Variants in ADRA1B observed in about 807,000 individuals in gnomAD.
ADRA1B encodes alpha-1B adrenergic receptor.
A neutral mutation model predicts 17.9 loss-of-function variants in ADRA1B; 17 were observed. That is an observed-to-expected ratio of 0.95 (90% CI 0.65 to 1.42). The LOEUF (loss-of-function observed/expected upper bound fraction) is 1.42. ADRA1B is among the 40% of genes most tolerant of loss of function. The probability of loss-of-function intolerance (pLI) is 0.00; values close to 1 mark genes in which losing one functional copy is unlikely to be tolerated. For missense variants in ADRA1B, 681 were observed against 722.1 expected (o/e 0.94, Z 0.65); for synonymous variants, 366 against 327.6 (o/e 1.12, Z -1.27).
At chr5:159,957,566 CTCT>C (rs1755579844) in intron 1 of ADRA1B, among the ~76,000 whole-genome samples, 1 of 150,256 alleles carries the variant, frequency 6.7e-6, no homozygotes, top group Non-Finnish European at 1.5e-5. Context: ...ATTATACTTA[CTCT>C]TCTTATTTGT....
intron 1 of ADRA1B, among the ~76,000 whole-genome samples, chr5:159,906,659 T>C (rs777123213): frequency 5.3e-5 from 8 of 152,194 alleles, no homozygotes; most frequent in Non-Finnish European, 1.2e-4. Flanking sequence ...TCTACATTCC[T>C]TCCTTTCTAA....
intron 1 of ADRA1B, among the ~76,000 whole-genome samples, chr5:159,866,625 G>A (rs1753657294): frequency 6.6e-6 from 1 of 151,444 alleles, no homozygotes; most frequent in Non-Finnish European, 1.5e-5. Flanking sequence ...AATGGTACTT[G>A]CCCTTGTGCC....
chr5:159,956,027 G>A (rs1025026884), intron 1 of ADRA1B, among the ~76,000 whole-genome samples: 1 of 152,116 alleles, frequency 6.6e-6, no homozygotes, highest in Admixed American at 6.5e-5. Flanking sequence ...AGGATCACTT[G>A]AGCCCAAGGT....
intron 1 of ADRA1B, among the ~76,000 whole-genome samples, chr5:159,939,323 G>C (rs1380691437): frequency 8.6e-6 from 1 of 116,910 alleles, no homozygotes; most frequent in Non-Finnish European, 2.0e-5. Flanking sequence ...GTGTGTGTGT[G>C]CGCGCGCGCG....
At chr5:159,920,825 A>G (rs375930952) in intron 1 of ADRA1B, among the ~76,000 whole-genome samples, 1 of 152,232 alleles carries the variant, frequency 6.6e-6, no homozygotes, top group Non-Finnish European at 1.5e-5. Flanking sequence ...CTTCTTTGGA[A>G]TCTGAAGAAG....
At chr5:159,930,355 C>A (rs1284787162) in intron 1 of ADRA1B, among the ~76,000 whole-genome samples, 1 of 152,304 alleles carries the variant, frequency 6.6e-6, no homozygotes, top group East Asian at 1.9e-4. Context: ...TTAGGCCGGG[C>A]GCGGTGGCTC....
At chr5:159,962,404 G>C (rs566494800) in intron 1 of ADRA1B, among the ~76,000 whole-genome samples, 1 of 150,184 alleles carries the variant, frequency 6.7e-6, no homozygotes. Flanking sequence ...CCATCCGTCT[G>C]ATTTCATTTC....
At chr5:159,876,455 G>T (rs1753803642) in intron 1 of ADRA1B, among the ~76,000 whole-genome samples, 1 of 152,172 alleles carries the variant, frequency 6.6e-6, no homozygotes, top group South Asian at 2.1e-4. Context: ...GATTCCAGAA[G>T]ACTTTGACTC....
At chr5:159,965,776 C>T (rs548900965) in intron 1 of ADRA1B, among the ~76,000 whole-genome samples, 58 of 152,302 alleles carry the variant, frequency 3.8e-4, no homozygotes, top group African/African-American at 1.1e-3. Context: ...GAAGCAGGCA[C>T]GCCCCAGCAG....
chr5:159,874,880 A>G (rs1443567773), intron 1 of ADRA1B, among the ~76,000 whole-genome samples: 1 of 152,218 alleles, frequency 6.6e-6, no homozygotes, highest in Non-Finnish European at 1.5e-5. Flanking sequence ...AGTTTGCACG[A>G]AAAGGGTATG....
intron 1 of ADRA1B, among the ~76,000 whole-genome samples, chr5:159,880,897 G>A (rs1753854330): frequency 6.6e-6 from 1 of 152,168 alleles, no homozygotes; most frequent in Non-Finnish European, 1.5e-5. Flanking sequence ...GCCACTTCTA[G>A]GTTAGGTAAA....
chr5:159,984,428 C>T, the ADRA1B span, among the ~76,000 whole-genome samples: 22 of 152,142 alleles, frequency 1.4e-4, no homozygotes, highest in Non-Finnish European at 2.9e-4. Flanking sequence ...TTAAACCCCA[C>T]ATCAAGCATC....
intron 1 of ADRA1B, among the ~76,000 whole-genome samples, chr5:159,962,397 TC>T (rs994033568): frequency 7.3e-6 from 1 of 136,410 alleles, no homozygotes; most frequent in Non-Finnish European, 1.6e-5. Context: ...GGTGCTGCCA[TC>T]CGTCTGATTT....
chr5:159,914,969 A>G (rs773571678), upstream of ADRA1B, among the ~76,000 whole-genome samples: 30 of 152,222 alleles, frequency 2.0e-4, no homozygotes, highest in Non-Finnish European at 3.2e-4. Flanking sequence ...TCTCTGAACC[A>G]CTGTTTCTCA....
intron 1 of ADRA1B, among the ~76,000 whole-genome samples, chr5:159,949,119 T>C (rs753768340): frequency 2.6e-5 from 4 of 152,184 alleles, no homozygotes; most frequent in Admixed American, 6.5e-5. Flanking sequence ...ACTAAATACA[T>C]AAAACTGTAA....
In ADRA1B at chr5:159,963,077, G is replaced by C. The variant is rs147572176; in HGVS notation, c.950-8802G>C. Among the ~76,000 whole-genome samples the C allele has an allele frequency of 2.1e-3, 310 of 149,554 alleles. 3 individuals carry two copies. Among genetic ancestry groups the C allele is most frequent in the Admixed American group, 2.5e-3 (38 of 14,938 alleles). ...ATTGCACCTGGCCTTTTAGCTTTTAGATAACATTCATTGGATTTTCCCCAG... is the reference window on the plus strand; with the variant it reads ...ATTGCACCTGGCCTTTTAGCTTTTACATAACATTCATTGGATTTTCCCCAG... On this transcript the variant is annotated intron_variant, in intron 1 of 1. Transcript: ENST00000306675.
At position 159,917,847 on chromosome 5, in the gene ADRA1B, A is replaced by G. The variant is rs1428549319; in HGVS notation, c.942A>G (p.Leu314=). 2 of 1,599,882 alleles carry G rather than the reference A, an allele frequency of 1.3e-6. No individual in the cohort carries two copies. Among genetic ancestry groups the G allele is most frequent in the African/African-American group, 1.3e-5 (1 of 74,388 alleles). ...GCTGGCTACCCTTCTTCATCGCTCT[A>G]CCGCTTGGTAAGTTGGGGACTAGCA... is the stretch of plus-strand genomic sequence containing the variant. The part of the protein sequence containing the change: ...ILCWLPFFIA[L]PLGSLFSTLK... The change falls in exon 1 of 2, where the codon CTA becomes CTG. Residue 314 remains leucine, a synonymous_variant. Coordinates refer to ENST00000306675, the MANE Select transcript of ADRA1B (RefSeq NM_000679.4).
chr5:159,973,757 G>C (rs778212447), downstream of ADRA1B, among the ~76,000 whole-genome samples: 2 of 152,140 alleles, frequency 1.3e-5, no homozygotes, highest in Non-Finnish European at 2.9e-5. Flanking sequence ...CTGATTTATT[G>C]TATGAAGAGC....
intron 1 of ADRA1B, among the ~76,000 whole-genome samples, chr5:159,925,295 T>G (rs1033180180): frequency 1.3e-5 from 2 of 152,184 alleles, no homozygotes; most frequent in African/African-American, 4.8e-5. Context: ...AAGATAAAAA[T>G]AATTGGGTCG....
Sources: gnomAD v4.1 joint callset for allele counts (sites outside exome capture counted in the v4.1 genomes callset) on GRCh38, gnomAD v4.1.1 for gene constraint, MANE v1.5 for transcripts, NCBI Gene and HGNC (gene_info 2026-07-23, HGNC 2026-07-21) for gene names.